PRKCB: variants seen among roughly 807,000 people sequenced by gnomAD.
PRKCB encodes the protein protein kinase C beta type.
Under a neutral mutation model 81.5 loss-of-function variants are expected in PRKCB, and 13 were observed. The ratio of observed to expected loss-of-function variants is 0.16; its 90% CI spans 0.10 to 0.25. The LOEUF is 0.25. PRKCB is among the 10% of genes least tolerant of loss of function. The pLI is 1.00. For missense variants in PRKCB, 509 were observed against 875.7 expected, an observed-to-expected ratio of 0.58 and a Z score of 5.29; for synonymous variants, 335 against 321.4, an observed-to-expected ratio of 1.04 and a Z score of -0.45.
chr16:24,019,112 C>T (rs1057012697), intron 3 of PRKCB, among the ~76,000 whole-genome samples: 1 of 151,552 alleles, frequency 6.6e-6, no homozygotes, highest in Non-Finnish European at 1.5e-5. Context: ...AAGTTTTACT[C>T]TCTGTCTACT....
chr16:24,035,319 G>C, intron 4 of PRKCB, 100 bp from the exon 5 acceptor site: 1 of 1,461,582 alleles, frequency 6.8e-7, no homozygotes. Context: ...TGTCTCAAAG[G>C]AGGGAAACAG....
chr16:24,174,068 G>A (rs760629081), intron 11 of PRKCB: 15 of 158,276 alleles, frequency 9.5e-5, no homozygotes, highest in Non-Finnish European at 1.7e-4. Flanking sequence ...GAATGCATTG[G>A]TCCTGACCAT....
chr16:24,108,305 AATTG>A (rs887418483), intron 7 of PRKCB, among the ~76,000 whole-genome samples: 7 of 139,576 alleles, frequency 5.0e-5, no homozygotes, highest in Admixed American at 1.4e-4. Flanking sequence ...ATTTTTTTTT[AATTG>A]ATTGACTTTT....
chr16:24,178,667 A>C (rs1021762726), intron 12 of PRKCB, among the ~76,000 whole-genome samples: 1 of 152,226 alleles, frequency 6.6e-6, no homozygotes, highest in Non-Finnish European at 1.5e-5. Context: ...GTAGATGAGC[A>C]TGAAGGCTGG....
chr16:24,109,054 G>C (rs547553524), intron 7 of PRKCB, among the ~76,000 whole-genome samples: 2 of 148,436 alleles, frequency 1.3e-5, no homozygotes, highest in East Asian at 2.0e-4. Flanking sequence ...CTCTCTCCCA[G>C]ATGGGGCGGC....
chr16:23,990,120 C>G (rs1160282076), intron 3 of PRKCB, among the ~76,000 whole-genome samples: 1 of 152,100 alleles, frequency 6.6e-6, no homozygotes, highest in East Asian at 1.9e-4. Context: ...GCTGTTGATA[C>G]CACTCACAGT....
chr16:24,084,480 G>A (rs2141894872), intron 5 of PRKCB, among the ~76,000 whole-genome samples: 1 of 152,160 alleles, frequency 6.6e-6, no homozygotes, highest in Admixed American at 6.5e-5. Context: ...ACAGATAAAA[G>A]CGGTTAAGAA....
chr16:23,964,812 G>T (rs904355464), intron 2 of PRKCB, among the ~76,000 whole-genome samples: 3 of 151,878 alleles, frequency 2.0e-5, no homozygotes, highest in African/African-American at 4.8e-5. Context: ...TGGGATTATA[G>T]GTACCTGCCC....
chr16:23,862,659 T>G (rs914010954), intron 2 of PRKCB, among the ~76,000 whole-genome samples: 1 of 152,210 alleles, frequency 6.6e-6, no homozygotes, highest in African/African-American at 2.4e-5. Flanking sequence ...AGCTGAAGCT[T>G]GCTTGCCCAT....
intron 2 of PRKCB, among the ~76,000 whole-genome samples, chr16:23,971,797 A>C (rs1275191529): frequency 6.6e-6 from 1 of 152,140 alleles, no homozygotes; most frequent in African/African-American, 2.4e-5. Flanking sequence ...TTATAAGATA[A>C]TGTGTTGGAT....
intron 9 of PRKCB, among the ~76,000 whole-genome samples, chr16:24,154,203 G>A (rs1313790242): frequency 6.6e-6 from 1 of 152,168 alleles, no homozygotes; most frequent in Non-Finnish European, 1.5e-5. Flanking sequence ...GCGAGGTCAG[G>A]GCTGGATGCA....
intron 2 of PRKCB, among the ~76,000 whole-genome samples, chr16:23,907,094 T>C (rs1260731206): frequency 2.6e-5 from 4 of 152,170 alleles, no homozygotes; most frequent in Admixed American, 2.6e-4. Flanking sequence ...AATAGGTCTT[T>C]GTTGGAGCCT....
intron 2 of PRKCB, among the ~76,000 whole-genome samples, chr16:23,941,519 G>C (rs147545815): frequency 6.6e-6 from 1 of 152,136 alleles, no homozygotes; most frequent in African/African-American, 2.4e-5. Flanking sequence ...TAAAATCTTG[G>C]CAAGTTGAAT....
At chr16:23,953,782 G>A (rs1417151448) in intron 2 of PRKCB, among the ~76,000 whole-genome samples, 1 of 152,138 alleles carries the variant, frequency 6.6e-6, no homozygotes, top group Admixed American at 6.5e-5. Flanking sequence ...AACAGTGGAA[G>A]TATGGCAATA....
At chr16:24,170,831 A>G (rs1235205579) in intron 10 of PRKCB, among the ~76,000 whole-genome samples, 1 of 152,234 alleles carries the variant, frequency 6.6e-6, no homozygotes, top group African/African-American at 2.4e-5. Context: ...GGCACCTGCT[A>G]TGTGCTAGTT....
intron 3 of PRKCB, among the ~76,000 whole-genome samples, chr16:24,003,387 T>A (rs1320517867): frequency 1.2e-4 from 2 of 16,620 alleles, no homozygotes; most frequent in Admixed American, 8.1e-4. Context: ...CCTGCATTCG[T>A]TTTTTTTTTT....
chr16:23,984,508 A>G (rs1368349420), intron 2 of PRKCB, among the ~76,000 whole-genome samples: 1 of 152,360 alleles, frequency 6.6e-6, no homozygotes, highest in Non-Finnish European at 1.5e-5. Flanking sequence ...AGCAATTAAT[A>G]AAGTAGGCTA....
chr16:24,195,029 C>A (rs906388453), intron 16 of PRKCB, among the ~76,000 whole-genome samples: 1 of 152,048 alleles, frequency 6.6e-6, no homozygotes, highest in East Asian at 1.9e-4. Context: ...CATGGCAAAA[C>A]CCCGTCTCTA....
At chr16:24,055,234 A>T (rs916558418) in intron 5 of PRKCB, among the ~76,000 whole-genome samples, 3 of 152,242 alleles carry the variant, frequency 2.0e-5, no homozygotes, top group African/African-American at 7.2e-5. Context: ...ATGAGGGCAG[A>T]AGCTGACTGC....
Sources: allele counts gnomAD v4.1 joint callset (sites outside exome capture counted in the v4.1 genomes callset), GRCh38; gene constraint gnomAD v4.1.1; transcripts MANE v1.5; gene names NCBI Gene and HGNC (gene_info 2026-07-23, HGNC 2026-07-21).